Variants in GLRA2 observed in about 807,000 individuals in gnomAD.
GLRA2 encodes glycine receptor subunit alpha-2.
A neutral mutation model predicts 31.6 loss-of-function variants in GLRA2; 11 were observed. The ratio of observed to expected loss-of-function variants is 0.35; its 90% CI spans 0.22 to 0.58. The LOEUF (loss-of-function observed/expected upper bound fraction) is 0.58. Ranked by LOEUF, GLRA2 falls within the 20% of genes least tolerant of loss-of-function variation. The pLI is 0.84. For missense variants in GLRA2, 212 were observed against 351.8 expected (o/e 0.60, Z 3.18); for synonymous variants, 132 against 134.0 (o/e 0.99, Z 0.10).
At chrX:14,725,720 T>C (rs1282528457) in intron 8 of GLRA2, among the ~76,000 whole-genome samples, 1 of 112,199 alleles carries the variant, frequency 8.9e-6, no homozygotes, top group East Asian at 2.8e-4. Flanking sequence ...CAATTTCCCA[T>C]CTAGACAAGA....
intron 7 of GLRA2, among the ~76,000 whole-genome samples, chrX:14,666,513 A>C (rs1407041674): frequency 8.9e-6 from 1 of 111,976 alleles, no homozygotes; most frequent in Non-Finnish European, 1.9e-5. Context: ...AAGTCACACA[A>C]GAATGACTCC....
At chrX:14,601,359 G>T (rs947779799) in intron 4 of GLRA2, among the ~76,000 whole-genome samples, 18 of 111,514 alleles carry the variant, frequency 1.6e-4, no homozygotes, top group Non-Finnish European at 3.0e-4. Context: ...TAATAATCAT[G>T]ATATGATTGT....
chrX:14,461,335 G>A, the GLRA2 span, among the ~76,000 whole-genome samples: 1 of 111,820 alleles, frequency 8.9e-6, no homozygotes, highest in Non-Finnish European at 1.9e-5. Context: ...GCTGATTTGA[G>A]GTGGAGAGTT....
chrX:14,493,740 T>C, the GLRA2 span, among the ~76,000 whole-genome samples: 1 of 97,396 alleles, frequency 1.0e-5, no homozygotes, highest in Admixed American at 1.1e-4. Context: ...TATGTATACA[T>C]ATATACGTGT....
chrX:14,530,819 T>C (rs1033599602), intron 1 of GLRA2, among the ~76,000 whole-genome samples: 25 of 111,809 alleles, frequency 2.2e-4, no homozygotes, highest in African/African-American at 8.1e-4. Flanking sequence ...GCCAAATCAA[T>C]TGATACCTCA....
chrX:14,501,880 G>T, the GLRA2 span, among the ~76,000 whole-genome samples: 1 of 111,236 alleles, frequency 9.0e-6, no homozygotes, highest in African/African-American at 3.3e-5. Flanking sequence ...TGTAGTTGGG[G>T]TTGGTTTCTC....
intron 8 of GLRA2, 145 bp downstream of exon 8, chrX:14,691,004 C>A: frequency 2.0e-6 from 1 of 511,421 alleles, no homozygotes; most frequent in Non-Finnish European, 3.1e-6. Flanking sequence ...ACTTAGTGCT[C>A]AGCTTAGGCC....
chrX:14,468,716 G>T, the GLRA2 span, among the ~76,000 whole-genome samples: 5,465 of 111,209 alleles, frequency 0.049, 344 homozygotes, highest in African/African-American at 0.17. Flanking sequence ...TATTTCTAGT[G>T]CTAGATCCCT....
intron 7 of GLRA2, among the ~76,000 whole-genome samples, chrX:14,675,710 G>A (rs1295408984): frequency 8.9e-6 from 1 of 111,795 alleles, no homozygotes; most frequent in East Asian, 2.8e-4. Context: ...TAAATGGCAG[G>A]TGTGAGCTCC....
the GLRA2 span, among the ~76,000 whole-genome samples, chrX:14,490,879 T>A: frequency 8.9e-6 from 1 of 111,821 alleles, no homozygotes; most frequent in African/African-American, 3.3e-5. Context: ...CAAATTGATA[T>A]GACCAGCTTC....
At chrX:14,641,946 G>A (rs1601793232) in intron 7 of GLRA2, among the ~76,000 whole-genome samples, 1 of 112,326 alleles carries the variant, frequency 8.9e-6, no homozygotes. Flanking sequence ...ATACATATTC[G>A]TGACTGGTAA....
the GLRA2 span, among the ~76,000 whole-genome samples, chrX:14,487,578 A>G: frequency 9.0e-6 from 1 of 111,156 alleles, no homozygotes; most frequent in Non-Finnish European, 1.9e-5. Flanking sequence ...GAGCCTGATT[A>G]TTCTTTGGCT....
At chrX:14,683,579 T>C (rs1320595818) in intron 7 of GLRA2, among the ~76,000 whole-genome samples, 2 of 111,810 alleles carry the variant, frequency 1.8e-5, no homozygotes, top group East Asian at 2.8e-4. Context: ...ATTTTGGCTT[T>C]TGTTGCCATT....
intron 2 of GLRA2, among the ~76,000 whole-genome samples, chrX:14,554,326 C>A (rs1212105805): frequency 8.9e-6 from 1 of 111,861 alleles, no homozygotes; most frequent in African/African-American, 3.3e-5. Context: ...GACCTTCCCA[C>A]CCTCAGAGAA....
chrX:14,596,009 C>A lies in GLRA2; in HGVS notation c.495-8306C>A, dbSNP rs141903215. Among the ~76,000 whole-genome samples, 358 of 111,516 alleles carry A rather than the reference C, an allele frequency of 3.2e-3. 3 individuals carry two copies. Among genetic ancestry groups the A allele is most frequent in the African/African-American group, 0.011 (344 of 30,696 alleles). ...GGATGTATAATACTAAGTTACAGCC[C>A]AGATGCAGTCCTGCTTAACACCAAT... On this transcript the variant is annotated intron_variant, in intron 4 of 8. Coordinates refer to ENST00000218075, the MANE Select transcript of GLRA2 (RefSeq NM_002063.4).
At chrX:14,591,163 T>C (rs1206338431) in intron 4 of GLRA2, among the ~76,000 whole-genome samples, 1 of 112,143 alleles carries the variant, frequency 8.9e-6, no homozygotes, top group African/African-American at 3.2e-5. Context: ...GTAAGGATCT[T>C]GTATTAGTCA....
Position 14,718,518 on chromosome X carries a change from T to A in GLRA2, c.1081-11689T>A, listed in dbSNP as rs150162632. 7.1e-5 allele frequency among the ~76,000 whole-genome samples: 8 copies of A among 112,246 alleles called. No individual in the cohort carries two copies. In the East Asian group the frequency reaches 2.3e-3, roughly 32 times the overall value. Reference sequence around the variant, plus strand: ...AACCATCTTACTATGCTCAGGAATTTGTAAAAGGCAGAGTAGGAATGACTT... The same window carrying A: ...AACCATCTTACTATGCTCAGGAATTAGTAAAAGGCAGAGTAGGAATGACTT... On this transcript the variant is annotated intron_variant, in intron 8 of 8. Coordinates refer to ENST00000218075, the MANE Select transcript of GLRA2 (RefSeq NM_002063.4).
intron 8 of GLRA2, among the ~76,000 whole-genome samples, chrX:14,721,141 A>G (rs2091860288): frequency 9.6e-6 from 1 of 104,028 alleles, no homozygotes; most frequent in South Asian, 4.2e-4. Flanking sequence ...AAAAAAAAAT[A>G]CTGTTGGGGT....
At chrX:14,534,213 G>GTTT (rs368371153) in intron 2 of GLRA2, among the ~76,000 whole-genome samples, 3 of 95,656 alleles carry the variant, frequency 3.1e-5, no homozygotes, top group Non-Finnish European at 6.3e-5. Context: ...GTGTGGCCAT[G>GTTT]TTTTTTTTTT....
Sources: gnomAD v4.1 joint callset for allele counts (sites outside exome capture counted in the v4.1 genomes callset) on GRCh38, gnomAD v4.1.1 for gene constraint, MANE v1.5 for transcripts, NCBI Gene and HGNC (gene_info 2026-07-23, HGNC 2026-07-21) for gene names.